Variants in TMEM108 observed in about 807,000 individuals in gnomAD.
The protein encoded by TMEM108 is cancer/testis antigen 124.
Under a neutral mutation model 35.1 loss-of-function variants are expected in TMEM108, and 12 were observed. The observed-to-expected ratio is 0.34, with a 90% confidence interval of 0.22 to 0.55. The LOEUF (loss-of-function observed/expected upper bound fraction) is 0.55. Among genes scored for constraint, TMEM108 ranks in the 20% least tolerant of loss-of-function variants. TMEM108 has a pLI of 0.89. For missense variants in TMEM108, 680 were observed against 753.3 expected (o/e 0.90, Z 1.14); for synonymous variants, 287 against 308.6 (o/e 0.93, Z 0.73).
chr3:133,176,558 T>C (rs1303410598), intron 2 of TMEM108, among the ~76,000 whole-genome samples: 1 of 152,164 alleles, frequency 6.6e-6, no homozygotes, highest in African/African-American at 2.4e-5. Flanking sequence ...AACCTGCTCC[T>C]GAATGACTAC....
intron 2 of TMEM108, among the ~76,000 whole-genome samples, chr3:133,073,717 T>G (rs912357607): frequency 6.6e-6 from 1 of 151,596 alleles, no homozygotes. Flanking sequence ...TCTATTTTAA[T>G]TTTTTGAGGA....
chr3:133,373,897 C>G (rs2072754162), intron 3 of TMEM108, among the ~76,000 whole-genome samples: 1 of 152,222 alleles, frequency 6.6e-6, no homozygotes, highest in South Asian at 2.1e-4. Context: ...CAGCTCTCAT[C>G]TGGGATCTCT....
chr3:133,380,754 C>G lies in TMEM108; in HGVS notation c.1043C>G (p.Thr348Ser). ...VTPGTSRPLS[T>S]SSGVFTAATG... ...CCTGGCACCAGCAGACCTCTGTCTA[C>G]CAGCTCTGGGGTCTTCACGGCTGCC... The change falls in exon 4 of 6, where the codon ACC (threonine) becomes AGC (serine). Residue 348 changes from threonine to serine, a missense_variant. Physicochemically the swap from Thr to Ser is moderately conservative, Grantham distance 58. Coordinates refer to ENST00000321871, the MANE Select transcript of TMEM108 (RefSeq NM_023943.4). This position sits in a 1 kb window ranked among gnomAD's most constrained non-coding sequence, Gnocchi z 5.3. The G allele has an allele frequency of 6.2e-7, 1 of 1,614,146 alleles. No homozygotes were observed. The highest frequency in any genetic ancestry group is 8.5e-7 in the Non-Finnish European group (1 of 1,180,022).
chr3:133,241,609 CTTTTTTTTT>C (rs71136458), intron 3 of TMEM108, among the ~76,000 whole-genome samples: 1 of 76,236 alleles, frequency 1.3e-5, no homozygotes, highest in Non-Finnish European at 2.4e-5. Flanking sequence ...TTTCCTGTGG[CTTTTTTTTT>C]TTTTTTTTTT....
intron 2 of TMEM108, among the ~76,000 whole-genome samples, chr3:133,096,306 G>A (rs1387664579): frequency 6.6e-6 from 1 of 152,106 alleles, no homozygotes. Flanking sequence ...CTACAGGCAT[G>A]CACGACCACA....
chr3:133,221,660 C>CTTTTTTTTT (rs3078806), intron 2 of TMEM108, among the ~76,000 whole-genome samples: 56 of 60,364 alleles, frequency 9.3e-4, no homozygotes, highest in Non-Finnish European at 1.1e-3. Context: ...ACATTGATTC[C>CTTTTTTTTT]TTTTTTTTTT....
intron 4 of TMEM108, chr3:133,387,278 A>G (rs1219373837): frequency 1.0e-6 from 1 of 985,352 alleles, no homozygotes; most frequent in Admixed American, 6.1e-5. Flanking sequence ...GTTCATCTTA[A>G]GTGACTTTCC....
In TMEM108 at chr3:133,160,275, A is replaced by G. The variant is rs112358350; in HGVS notation, c.-46-68991A>G. ...AACTGACGCTGCTCAGTGGAATCACATGAGGAACCAATAGCAGTGTTTCCT... is the reference window on the plus strand; with the variant it reads ...AACTGACGCTGCTCAGTGGAATCACGTGAGGAACCAATAGCAGTGTTTCCT... On this transcript the variant is annotated intron_variant, in intron 2 of 5. Coordinates refer to ENST00000321871, the MANE Select transcript of TMEM108 (RefSeq NM_023943.4). 4.7e-3 allele frequency among the ~76,000 whole-genome samples: 716 copies of G among 152,330 alleles called. 6 individuals are homozygous for G. Among genetic ancestry groups the G allele is most frequent in the Non-Finnish European group, 7.1e-3 (485 of 68,028 alleles).
chr3:133,131,364 C>A (rs924169406), intron 2 of TMEM108, among the ~76,000 whole-genome samples: 2 of 151,468 alleles, frequency 1.3e-5, no homozygotes, highest in African/African-American at 4.9e-5. Flanking sequence ...TTTATGGCAA[C>A]CCTGCATTGG....
At chr3:133,393,583 C>T (rs1358938519) in intron 5 of TMEM108, among the ~76,000 whole-genome samples, 3 of 152,156 alleles carry the variant, frequency 2.0e-5, no homozygotes, top group Non-Finnish European at 2.9e-5. Context: ...AGAGGACAAA[C>T]GAGGGGCCAG....
intron 2 of TMEM108, among the ~76,000 whole-genome samples, chr3:133,217,604 A>G (rs929400112): frequency 1.3e-5 from 2 of 151,978 alleles, no homozygotes; most frequent in Admixed American, 6.6e-5. Flanking sequence ...TGAGTTTTAT[A>G]TATTGGTGAC....
At chr3:133,350,857 T>C (rs2071973684) in intron 3 of TMEM108, among the ~76,000 whole-genome samples, 1 of 152,118 alleles carries the variant, frequency 6.6e-6, no homozygotes, top group Admixed American at 6.5e-5. Context: ...GCTGAGACCC[T>C]GGCCCTCTTC....
rs576809292 is a variant in TMEM108, at chr3:133,309,924, T to A, written c.41-69828T>A. 3.6e-3 allele frequency among the ~76,000 whole-genome samples: 545 copies of A among 152,128 alleles called. 3 individuals are homozygous for A. Among genetic ancestry groups the A allele is most frequent in the Non-Finnish European group, 5.7e-3 (385 of 67,968 alleles). ...ACCGTTTTAGCCGGGATGGTCTCGA[T>A]CTCCTGACCTCGTGATCCACCCTCC... On this transcript the variant is annotated intron_variant, in intron 3 of 5. Coordinates refer to ENST00000321871, the MANE Select transcript of TMEM108 (RefSeq NM_023943.4).
At chr3:133,353,687 G>C (rs2072074922) in intron 3 of TMEM108, among the ~76,000 whole-genome samples, 2 of 152,150 alleles carry the variant, frequency 1.3e-5, no homozygotes, top group Non-Finnish European at 2.9e-5. Context: ...TTTTAGTTGG[G>C]GGAAAGAAAG....
intron 3 of TMEM108, among the ~76,000 whole-genome samples, chr3:133,292,527 G>A (rs999520137): frequency 3.3e-4 from 51 of 152,266 alleles, no homozygotes; most frequent in Admixed American, 2.6e-4. Flanking sequence ...AACAACATGC[G>A]TGGAACTTGG....
chr3:133,246,477 TAA>T (rs112300579), intron 3 of TMEM108: 5 of 145,242 alleles, frequency 3.4e-5, no homozygotes, highest in Admixed American at 6.8e-5. Context: ...TGATTTGTCC[TAA>T]AAAAAAAAAA....
In TMEM108 at chr3:133,386,406, C is replaced by T. The variant is rs947166995; in HGVS notation, c.1451-3774C>T. ...TCAGGGGACCTGCAGGGTTTCATTT[C>T]CATTTCTCATCACACAGCAGATCCT... On this transcript the variant is annotated intron_variant, in intron 4 of 5. Coordinates refer to ENST00000321871, the MANE Select transcript of TMEM108 (RefSeq NM_023943.4). The T allele has an allele frequency of 3.9e-6, 6 of 1,536,008 alleles. No homozygotes were observed. In the East Asian group the frequency reaches 1.5e-4, roughly 38 times the overall value.
At position 133,293,301 on chromosome 3, in the gene TMEM108, C is replaced by T. The variant is rs114148733; in HGVS notation, c.40+63950C>T. Among the ~76,000 whole-genome samples the T allele has an allele frequency of 6.2e-3, 943 of 151,646 alleles. 13 individuals are homozygous for T. The highest frequency in any genetic ancestry group is 0.021 in the African/African-American group (886 of 41,390). Reference sequence around the variant, plus strand: ...AATTTAGCACTTCTCTCCATGAAAGCCTTTATCACACTCCTCAAGGGTAGA... The same window carrying T: ...AATTTAGCACTTCTCTCCATGAAAGTCTTTATCACACTCCTCAAGGGTAGA... On this transcript the variant is annotated intron_variant, in intron 3 of 5. Transcript: ENST00000321871.
At chr3:133,196,774 C>T (rs1325016198) in intron 2 of TMEM108, among the ~76,000 whole-genome samples, 2 of 152,130 alleles carry the variant, frequency 1.3e-5, no homozygotes, top group Non-Finnish European at 2.9e-5. Context: ...TGACTTTTGT[C>T]CTCTTTGTGC....
Sources: allele counts gnomAD v4.1 joint callset (sites outside exome capture counted in the v4.1 genomes callset), GRCh38; gene constraint gnomAD v4.1.1; non-coding constraint Gnocchi (gnomAD v3.1); transcripts MANE v1.5; gene names NCBI Gene and HGNC (gene_info 2026-07-23, HGNC 2026-07-21).